Variants in PPP1R9A observed in about 807,000 individuals in gnomAD.
The protein encoded by PPP1R9A is neurabin-1.
PPP1R9A carries 59 observed loss-of-function variants against 141.9 expected under a neutral mutation model. The ratio of observed to expected loss-of-function variants is 0.42; its 90% CI spans 0.34 to 0.52. PPP1R9A has a LOEUF of 0.52. Ranked by LOEUF, PPP1R9A falls within the 20% of genes least tolerant of loss-of-function variation. PPP1R9A has a pLI of 0.10. For synonymous variants in PPP1R9A, 500 were observed against 569.7 expected (o/e 0.88, Z 1.74); for missense variants, 1,444 against 1,611.9 (o/e 0.90, Z 1.78).
At chr7:95,185,759 C>G (rs974162388) in intron 5 of PPP1R9A, among the ~76,000 whole-genome samples, 2 of 151,908 alleles carry the variant, frequency 1.3e-5, no homozygotes, top group African/African-American at 4.8e-5. Flanking sequence ...TTCCAATTAC[C>G]CCAACACCTT....
intron 2 of PPP1R9A, among the ~76,000 whole-genome samples, chr7:94,963,828 A>G (rs854717): frequency 0.67 from 101,497 of 152,030 alleles, 34,858 homozygotes; most frequent in African/African-American, 0.82. Context: ...AAACCACAAT[A>G]AGTGATGCAC....
At chr7:95,222,766 A>T (rs983727692) in intron 7 of PPP1R9A, among the ~76,000 whole-genome samples, 3 of 152,018 alleles carry the variant, frequency 2.0e-5, no homozygotes, top group Non-Finnish European at 4.4e-5. Flanking sequence ...TTTTTTTGGT[A>T]CAACATTGTT....
At chr7:95,058,951 A>T (rs976975924) in intron 2 of PPP1R9A, among the ~76,000 whole-genome samples, 4 of 151,990 alleles carry the variant, frequency 2.6e-5, no homozygotes, top group African/African-American at 9.7e-5. Context: ...CACCACATCC[A>T]GCTAATTTTT....
rs1220224746 is a variant in PPP1R9A, at chr7:94,975,365, T to G, written c.1395+63857T>G. On this transcript the variant is annotated intron_variant, in intron 2 of 19. Transcript: ENST00000433360. ...GCTGTAGTTTTTTTTTGTTTTTTTT[T>G]TTTTTTTTTTTTTTTTTTAAGGATT... 3.4e-4 allele frequency among the ~76,000 whole-genome samples: 50 copies of G among 148,298 alleles called. No individual in the cohort carries two copies. In the East Asian group the frequency reaches 6.9e-3, roughly 20 times the overall value.
chr7:94,983,588 A>G (rs1416146146), intron 2 of PPP1R9A, among the ~76,000 whole-genome samples: 1 of 152,038 alleles, frequency 6.6e-6, no homozygotes, highest in Non-Finnish European at 1.5e-5. Context: ...TTCTCTTTGT[A>G]GCAATTGTGA....
At chr7:94,978,857 C>T (rs946175747) in intron 2 of PPP1R9A, among the ~76,000 whole-genome samples, 5 of 152,138 alleles carry the variant, frequency 3.3e-5, no homozygotes, top group Non-Finnish European at 5.9e-5. Flanking sequence ...AGTGCAGTGG[C>T]GTGATCTCAG....
intron 2 of PPP1R9A, among the ~76,000 whole-genome samples, chr7:94,934,260 C>T (rs540250149): frequency 6.6e-6 from 1 of 152,258 alleles, no homozygotes; most frequent in East Asian, 1.9e-4. Flanking sequence ...AATGTGTCTT[C>T]CCTGTATCAG....
At chr7:95,281,860 T>C (rs1338626408) in intron 16 of PPP1R9A, among the ~76,000 whole-genome samples, 1 of 152,184 alleles carries the variant, frequency 6.6e-6, no homozygotes, top group East Asian at 1.9e-4. Flanking sequence ...TTATTGAAAA[T>C]TGTGGATGAA....
At chr7:94,944,891 C>T (rs534477910) in intron 2 of PPP1R9A, among the ~76,000 whole-genome samples, 13 of 152,020 alleles carry the variant, frequency 8.6e-5, no homozygotes, top group African/African-American at 2.2e-4. Flanking sequence ...ATTTTGGATT[C>T]CAAGTCCAGA....
chr7:95,091,574 C>T (rs1477349171), intron 2 of PPP1R9A, among the ~76,000 whole-genome samples: 1 of 151,742 alleles, frequency 6.6e-6, no homozygotes, highest in African/African-American at 2.4e-5. Context: ...GAACTCCTGA[C>T]CTCAAGTGAT....
intron 2 of PPP1R9A, among the ~76,000 whole-genome samples, chr7:94,925,540 A>G (rs1223226072): frequency 6.6e-6 from 1 of 151,978 alleles, no homozygotes; most frequent in Non-Finnish European, 1.5e-5. Context: ...TGCTGAAGGG[A>G]TTCCCTCTGT....
chr7:95,139,266 G>A (rs1826206586), intron 4 of PPP1R9A, among the ~76,000 whole-genome samples: 2 of 151,660 alleles, frequency 1.3e-5, no homozygotes, highest in Admixed American at 6.6e-5. Flanking sequence ...AGTGCAGAGC[G>A]AAGGGGGAAG....
chr7:95,179,075 A>G (rs1236532298), intron 5 of PPP1R9A, among the ~76,000 whole-genome samples: 1 of 152,124 alleles, frequency 6.6e-6, no homozygotes, highest in Admixed American at 6.6e-5. Flanking sequence ...TAACCAAAAA[A>G]GAAACTGAAG....
intron 5 of PPP1R9A, among the ~76,000 whole-genome samples, chr7:95,165,199 G>C (rs7802596): frequency 0.28 from 43,222 of 151,836 alleles, 7,561 homozygotes; most frequent in Middle Eastern, 0.43. Flanking sequence ...CTTTCTTTTG[G>C]GTTTTCTACT....
intron 2 of PPP1R9A, among the ~76,000 whole-genome samples, chr7:94,986,326 A>G (rs961254329): frequency 1.4e-4 from 22 of 152,200 alleles, no homozygotes; most frequent in Non-Finnish European, 2.1e-4. Flanking sequence ...ATTCAGAAAT[A>G]GATTCATGCT....
rs546589427 is a variant in PPP1R9A at position 94,948,008 on chromosome 7, C to T, written c.1395+36500C>T. 1.4e-4 allele frequency among the ~76,000 whole-genome samples: 22 copies of T among 152,112 alleles called. No individual in the cohort carries two copies. In the South Asian group the frequency reaches 4.1e-3, roughly 29 times the overall value. ...TCTGTTTTATTACTCAAATAATGGA[C>T]CCATCCACCTGATGCTCAGCTCTGT... On this transcript the variant is annotated intron_variant, in intron 2 of 19. Coordinates refer to ENST00000433360, the MANE Select transcript of PPP1R9A (RefSeq NM_001166160.2).
intron 2 of PPP1R9A, among the ~76,000 whole-genome samples, chr7:95,041,472 ATTGT>A (rs1809230078): frequency 6.6e-6 from 1 of 152,088 alleles, no homozygotes; most frequent in South Asian, 2.1e-4. Context: ...GTAAGTGTAG[ATTGT>A]TTGACAAATT....
chr7:95,117,193 C>T (rs1310717373), intron 3 of PPP1R9A, among the ~76,000 whole-genome samples: 2 of 151,790 alleles, frequency 1.3e-5, no homozygotes, highest in African/African-American at 2.4e-5. Context: ...CTGTCTTTGC[C>T]GTCATTTTAT....
intron 2 of PPP1R9A, among the ~76,000 whole-genome samples, chr7:95,055,832 G>T (rs1182973648): frequency 6.6e-6 from 1 of 151,992 alleles, no homozygotes; most frequent in Non-Finnish European, 1.5e-5. Flanking sequence ...CATACGTTAG[G>T]AATTTCTTGT....
Sources: allele counts gnomAD v4.1 joint callset (sites outside exome capture counted in the v4.1 genomes callset), GRCh38; gene constraint gnomAD v4.1.1; transcripts MANE v1.5; gene names NCBI Gene and HGNC (gene_info 2026-07-23, HGNC 2026-07-21).